Variants in PRDM6 observed in about 807,000 individuals in gnomAD.
PRDM6 encodes putative histone-lysine N-methyltransferase PRDM6.
Under a neutral mutation model 60.8 loss-of-function variants are expected in PRDM6, and 25 were observed. The observed-to-expected ratio is 0.41, with a 90% CI of 0.30 to 0.57. The LOEUF (loss-of-function observed/expected upper bound fraction) is 0.57, where lower values mean the gene tolerates loss of function less well. Among genes scored for constraint, PRDM6 ranks in the 20% least tolerant of loss-of-function variants. The pLI is 0.27. For synonymous variants in PRDM6, 407 were observed against 357.4 expected (o/e 1.14, Z -1.57); for missense variants, 839 against 821.3 (o/e 1.02, Z -0.26).
In PRDM6 at chr5:123,089,981, C is replaced by T; in HGVS notation, c.-15-19C>T. 1.3e-6 allele frequency: 2 copies of T among 1,522,382 alleles called. No homozygotes were observed. The highest frequency in any genetic ancestry group is 1.2e-5 in the South Asian group (1 of 83,360). 94.3% of individuals were successfully genotyped at this position (1,522,382 alleles called of 1,614,324 possible). A position where few individuals can be genotyped will look rare whatever the true frequency, so the allele number is the denominator to read the frequency against. ...TCGCCCAGCTCACGCGCCCCCTCTT[C>T]CCTGCCCTCTGCCCCCAGTTCGAGG... On this transcript the variant is annotated intron_variant, in intron 1 of 7. Transcript: ENST00000407847.
chr5:123,118,132 G>C (rs1458118809), intron 3 of PRDM6, among the ~76,000 whole-genome samples: 1 of 152,210 alleles, frequency 6.6e-6, no homozygotes, highest in Non-Finnish European at 1.5e-5. Flanking sequence ...CAGTTGGGGA[G>C]GTGAGTCAAC....
chr5:123,097,885 C>T (rs1453795644), intron 2 of PRDM6, among the ~76,000 whole-genome samples: 1 of 152,222 alleles, frequency 6.6e-6, no homozygotes, highest in African/African-American at 2.4e-5. Flanking sequence ...GGTCTGGGGA[C>T]ATTTCTGAGA....
chr5:123,138,049 G>A (rs986577181), intron 3 of PRDM6, among the ~76,000 whole-genome samples: 3 of 151,786 alleles, frequency 2.0e-5, no homozygotes, highest in African/African-American at 7.3e-5. Context: ...TTCAAATACT[G>A]ATATAGGCCA....
intron 3 of PRDM6, among the ~76,000 whole-genome samples, chr5:123,117,353 C>G (rs1287946779): frequency 6.6e-6 from 1 of 152,164 alleles, no homozygotes; most frequent in East Asian, 1.9e-4. Context: ...GTAGTCACAA[C>G]TCGGATTGTC....
At chr5:123,176,222 TACAGAAC>T (rs1766004400) in intron 6 of PRDM6, among the ~76,000 whole-genome samples, 1 of 138,180 alleles carries the variant, frequency 7.2e-6, no homozygotes, top group African/African-American at 2.8e-5. Context: ...CTAGCTCAGA[TACAGAAC>T]AGCTCCGTCA....
intron 5 of PRDM6, among the ~76,000 whole-genome samples, chr5:123,161,707 C>T (rs1239577460): frequency 2.0e-5 from 3 of 152,136 alleles, no homozygotes; most frequent in Admixed American, 6.5e-5. Flanking sequence ...GATGTGGGTG[C>T]GTGCTAGGGC....
chr5:123,112,259 T>G (rs1764330995), intron 3 of PRDM6, among the ~76,000 whole-genome samples: 1 of 152,160 alleles, frequency 6.6e-6, no homozygotes, highest in Non-Finnish European at 1.5e-5. Context: ...CAGCACACCT[T>G]AAGTCCCTAA....
intron 3 of PRDM6, among the ~76,000 whole-genome samples, chr5:123,110,328 G>C (rs1016143344): frequency 6.3e-5 from 9 of 143,764 alleles, no homozygotes; most frequent in African/African-American, 2.3e-4. Flanking sequence ...GCACAATCCC[G>C]GCTCACTGCA....
At chr5:123,097,570 T>A (rs1763985654) in intron 2 of PRDM6, among the ~76,000 whole-genome samples, 1 of 152,228 alleles carries the variant, frequency 6.6e-6, no homozygotes, top group African/African-American at 2.4e-5. Context: ...TGACACATGG[T>A]ATGCACTGTA....
chr5:123,120,826 A>G (rs937542045), intron 3 of PRDM6, among the ~76,000 whole-genome samples: 1 of 152,136 alleles, frequency 6.6e-6, no homozygotes, highest in Non-Finnish European at 1.5e-5. Flanking sequence ...ATAGATTTTC[A>G]TTATTTTAGT....
intron 7 of PRDM6, among the ~76,000 whole-genome samples, chr5:123,184,166 A>G (rs533389651): frequency 3.9e-4 from 60 of 152,326 alleles, no homozygotes; most frequent in Non-Finnish European, 7.8e-4. Context: ...GTTCAATTCA[A>G]AAAGTATTTT....
chr5:123,167,857 T>C (rs1298081641), intron 5 of PRDM6, among the ~76,000 whole-genome samples: 1 of 152,228 alleles, frequency 6.6e-6, no homozygotes, highest in South Asian at 2.1e-4. Context: ...CTTCATTCTA[T>C]GGTTTTTCTC....
At chr5:123,155,398 G>A (rs1324075953) in intron 3 of PRDM6, among the ~76,000 whole-genome samples, 4 of 150,418 alleles carry the variant, frequency 2.7e-5, no homozygotes, top group Admixed American at 2.0e-4. Flanking sequence ...AGTTCTTTAC[G>A]GCTCCATAAC....
At chr5:123,111,474 G>T (rs983542542) in intron 3 of PRDM6, among the ~76,000 whole-genome samples, 1 of 152,172 alleles carries the variant, frequency 6.6e-6, no homozygotes. Context: ...CGAGGCGGGC[G>T]GATCACGAGG....
At chr5:123,112,884 T>C (rs553050528) in intron 3 of PRDM6, among the ~76,000 whole-genome samples, 5 of 145,674 alleles carry the variant, frequency 3.4e-5, no homozygotes, top group African/African-American at 1.3e-4. Flanking sequence ...GCCACAACTA[T>C]AGCCTGACAA....
intron 7 of PRDM6, among the ~76,000 whole-genome samples, chr5:123,181,471 TGA>T: frequency 6.6e-6 from 1 of 152,290 alleles, no homozygotes; most frequent in South Asian, 2.1e-4. Flanking sequence ...TGGAAAGGCC[TGA>T]GAGTGTGAGT....
At chr5:123,131,433 A>G (rs547428621) in intron 3 of PRDM6, among the ~76,000 whole-genome samples, 1 of 152,302 alleles carries the variant, frequency 6.6e-6, no homozygotes, top group African/African-American at 2.4e-5. Flanking sequence ...TCAAAATTTC[A>G]CATATATTCT....
At chr5:123,180,428 A>G in intron 7 of PRDM6, 105 bp downstream of exon 7, 5 of 1,181,950 alleles carry the variant, frequency 4.2e-6, no homozygotes, top group East Asian at 5.3e-5. Context: ...GGCACAGGCT[A>G]CTTGGAAGGC....
intron 3 of PRDM6, among the ~76,000 whole-genome samples, chr5:123,108,234 A>G (rs1382350329): frequency 1.3e-5 from 2 of 152,198 alleles, no homozygotes; most frequent in East Asian, 3.8e-4. Flanking sequence ...AGTATCTTCT[A>G]TAGAAACATC....
Sources: gnomAD v4.1 joint callset for allele counts (sites outside exome capture counted in the v4.1 genomes callset) on GRCh38, gnomAD v4.1.1 for gene constraint, MANE v1.5 for transcripts, NCBI Gene and HGNC (gene_info 2026-07-23, HGNC 2026-07-21) for gene names.